VPS52: variants seen among roughly 807,000 people sequenced by gnomAD.
VPS52 encodes VPS52 subunit of GARP complex, also known as vacuolar protein sorting-associated protein 52 homolog.
Under a neutral mutation model 98.7 loss-of-function variants are expected in VPS52, and 56 were observed. That is an observed-to-expected ratio of 0.57 (90% CI 0.46 to 0.71). The LOEUF is 0.71. VPS52 is among the 30% of genes least tolerant of loss of function. The pLI is 0.00. For synonymous variants in VPS52, 348 were observed against 346.4 expected (o/e 1.00, Z -0.05); for missense variants, 742 against 925.9 (o/e 0.80, Z 2.58).
At chr6:33,270,441 T>C (rs1404313323) in intron 1 of VPS52, among the ~76,000 whole-genome samples, 158 bp from the exon 2 acceptor site, 1 of 152,160 alleles carries the variant, frequency 6.6e-6, no homozygotes, top group Non-Finnish European at 1.5e-5. Context: ...TTGTACCCAC[T>C]CTCCTATTTT....
intron 5 of VPS52, 69 bp from the exon 6 acceptor site, chr6:33,269,258 CTT>C (rs1764705419): frequency 6.3e-7 from 1 of 1,583,334 alleles, no homozygotes; most frequent in Non-Finnish European, 8.6e-7. Flanking sequence ...ACCAAAGACT[CTT>C]TGTGAAGTCT....
In VPS52 at chr6:33,269,157, A is replaced by G. The variant is rs1340794945; in HGVS notation, c.405T>C (p.Ser135=). 2.5e-6 allele frequency: 4 copies of G among 1,612,886 alleles called. No homozygotes were observed. Among genetic ancestry groups the G allele is most frequent in the Admixed American group, 1.7e-5 (1 of 59,976 alleles). The change falls in exon 6 of 20, where the codon AGT becomes AGC. Residue 135 remains serine (S), a synonymous_variant. Coordinates refer to ENST00000445902, the MANE Select transcript of VPS52 (RefSeq NM_022553.6). ...RMEQMLGAFQ[S]DLSSISSEIR... The stretch of plus-strand genomic sequence containing the variant: ...TCTCAGAGCTGATGGAGCTGAGGTC[A>G]CTCTGAAAAGCTCCCAACATCTGCT...
Position 33,267,530 on chromosome 6 carries a change from G to A in VPS52, c.991+152C>T, listed in dbSNP as rs1764482320. The stretch of plus-strand genomic sequence containing the variant: ...AAAACTATGTGTCAAAATAATGTGT[G>A]CATCTTTCTGGGGAGGGAGGCTATA... On this transcript the variant is annotated intron_variant, in intron 10 of 19. Coordinates refer to ENST00000445902, the MANE Select transcript of VPS52 (RefSeq NM_022553.6). The surrounding 1 kb of genome is among the most constrained non-coding windows in gnomAD (Gnocchi z 4.2). 4 of 1,192,310 alleles carry A rather than the reference G, an allele frequency of 3.4e-6. No homozygotes were observed. Among genetic ancestry groups the A allele is most frequent in the East Asian group, 2.3e-5 (1 of 42,720 alleles). The allele number at this position is 1,192,310 out of a possible 1,614,324, so 73.9% of individuals were successfully genotyped here.
chr6:33,271,965 T>A (rs1019627846), upstream of VPS52: 1 of 1,096,284 alleles, frequency 9.1e-7, no homozygotes, highest in Non-Finnish European at 1.3e-6. Context: ...CAAGCCATAC[T>A]CTCATAAATC....
At chr6:33,256,151 GTGTCTT>G (rs1467030424) in intron 17 of VPS52, among the ~76,000 whole-genome samples, 1 of 152,092 alleles carries the variant, frequency 6.6e-6, no homozygotes, top group Non-Finnish European at 1.5e-5. Context: ...ACGACTTACA[GTGTCTT>G]TGTGCTGAAA....
At chr6:33,251,793 C>T in intron 18 of VPS52, 67 bp downstream of exon 18, 1 of 1,529,944 alleles carries the variant, frequency 6.5e-7, no homozygotes, top group Non-Finnish European at 9.1e-7. Context: ...ATGTAATCTG[C>T]ATCCTTTCAT....
intron 16 of VPS52, 27 bp from the exon 17 acceptor site, chr6:33,263,576 A>AGTTTGGGGAACTAG: frequency 6.2e-7 from 1 of 1,614,064 alleles, no homozygotes; most frequent in Non-Finnish European, 8.5e-7. Context: ...GGAAATGTCT[A>AGTTTGGGGAACTAG]GTTTGGGGAA....
Position 33,271,731 on chromosome 6 carries a change from T to G in VPS52, c.-56A>C. On this transcript the variant is annotated 5_prime_UTR_variant, in exon 1 of 20. Coordinates refer to ENST00000445902, the MANE Select transcript of VPS52 (RefSeq NM_022553.6). ...GTCCCGGCGAGTCCGTTCCCCGGAG[T>G]GGAGCTACAAGTCCCAAAGGGTCTT... The G allele has an allele frequency of 6.4e-7, 1 of 1,552,982 alleles. No individual in the cohort carries two copies. The highest frequency in any genetic ancestry group is 8.7e-7 in the Non-Finnish European group (1 of 1,147,860).
rs1175025809 is a variant in VPS52 at position 33,268,783 on chromosome 6, T to C, written c.549-134A>G. ...CATTGTACCATATAGTCAGGACACA[T>C]GTACAAAGTTTTCTATTCCTGGACC... On this transcript the variant is annotated intron_variant, in intron 6 of 19. Coordinates refer to ENST00000445902, the MANE Select transcript of VPS52 (RefSeq NM_022553.6). The surrounding 1 kb of genome is among the most constrained non-coding windows in gnomAD (Gnocchi z 4.0). 3 of 1,225,502 alleles carry C rather than the reference T, an allele frequency of 2.4e-6. No individual in the cohort carries two copies. Among genetic ancestry groups the C allele is most frequent in the Non-Finnish European group, 3.3e-6 (3 of 905,334 alleles). 75.9% of individuals were successfully genotyped at this position (1,225,502 alleles called of 1,614,324 possible).
intron 19 of VPS52, among the ~76,000 whole-genome samples, chr6:33,251,284 G>A (rs1321211204): frequency 6.6e-6 from 1 of 151,964 alleles, no homozygotes; most frequent in Non-Finnish European, 1.5e-5. Context: ...AGAGGTTGCA[G>A]TGAGCCGAGA....
chr6:33,266,151 C>G (rs554271877), intron 12 of VPS52, among the ~76,000 whole-genome samples: 8 of 149,570 alleles, frequency 5.3e-5, no homozygotes, highest in African/African-American at 2.0e-4. Context: ...TAAGCCACTG[C>G]ACCTGGCTAT....
chr6:33,267,515 G>T lies in VPS52; in HGVS notation c.991+167C>A. The T allele has an allele frequency of 8.3e-7, 1 of 1,201,152 alleles. No homozygotes were observed. The highest frequency in any genetic ancestry group is 1.2e-6 in the Non-Finnish European group (1 of 851,738). The allele number at this position is 1,201,152 out of a possible 1,614,324, so 74.4% of individuals were successfully genotyped here. ...CTTGCAATCATATGCAAAACTATGT[G>T]TCAAAATAATGTGTGCATCTTTCTG... On this transcript the variant is annotated intron_variant, in intron 10 of 19. Coordinates refer to ENST00000445902, the MANE Select transcript of VPS52 (RefSeq NM_022553.6). This position sits in a 1 kb window ranked among gnomAD's most constrained non-coding sequence, Gnocchi z 4.2.
At position 33,269,064 on chromosome 6, in the gene VPS52, C is replaced by T. The variant is rs568147687; in HGVS notation, c.498G>A (p.Gly166=). 3 of 1,612,832 alleles carry T rather than the reference C, an allele frequency of 1.9e-6. No individual in the cohort carries two copies. The highest frequency in any genetic ancestry group is 4.5e-5 in the East Asian group (2 of 44,874). Residue 166 remains glycine (G), a synonymous_variant, in exon 6 of 20, where the codon GGG becomes GGA. Transcript: ENST00000445902. ...IRLRNRQAVR[G]KLGELVDGLV... Reference sequence around the variant, plus strand: ...GACCATCAACAAGCTCCCCAAGTTTCCCCCGAACTGCCTGGCGATTTCGAA... The same window carrying T: ...GACCATCAACAAGCTCCCCAAGTTTTCCCCGAACTGCCTGGCGATTTCGAA...
intron 1 of VPS52, 144 bp from the exon 2 acceptor site, chr6:33,270,427 C>G (rs1275852539): frequency 4.2e-6 from 3 of 715,520 alleles, no homozygotes; most frequent in Admixed American, 5.7e-5. Flanking sequence ...CTAAGAGTCT[C>G]ACGTTGTACC....
chr6:33,263,980 TG>T (rs757600726), intron 15 of VPS52, 27 bp downstream of exon 15: 1 of 1,613,912 alleles, frequency 6.2e-7, no homozygotes, highest in Non-Finnish European at 8.5e-7. Flanking sequence ...GCCCTGCTGC[TG>T]GGAAGTGTCT....
rs9469393 is a variant in VPS52, at chr6:33,250,595, G to A, written c.*246C>T. On this transcript the variant is annotated 3_prime_UTR_variant, in exon 20 of 20. Transcript: ENST00000445902. Reference sequence around the variant, plus strand: ...GGTGACAGACTGGAGAAATGATAAAGGCCATTTTGGAAGCCCACAGGGAAG... The same window carrying A: ...GGTGACAGACTGGAGAAATGATAAAAGCCATTTTGGAAGCCCACAGGGAAG... The A allele has an allele frequency of 1.9e-4, 97 of 520,530 alleles. No individual in the cohort carries two copies. Among genetic ancestry groups the A allele is most frequent in the Non-Finnish European group, 3.0e-4 (89 of 296,448 alleles). The allele number at this position is 520,530 out of a possible 1,614,324, so 32.2% of individuals were successfully genotyped here.
chr6:33,264,644 C>A, intron 13 of VPS52, 138 bp downstream of exon 13: 1 of 1,415,038 alleles, frequency 7.1e-7, no homozygotes, highest in Non-Finnish European at 9.9e-7. Context: ...CAAAAAGCAG[C>A]ACTACTGCCT....
At chr6:33,255,572 G>T (rs900916211) in intron 17 of VPS52, among the ~76,000 whole-genome samples, 2 of 149,678 alleles carry the variant, frequency 1.3e-5, no homozygotes, top group Non-Finnish European at 3.0e-5. Context: ...AGATGACGAG[G>T]TCAGATCAAG....
chr6:33,253,142 C>T (rs1382144100), intron 17 of VPS52, among the ~76,000 whole-genome samples: 1 of 151,918 alleles, frequency 6.6e-6, no homozygotes, highest in Non-Finnish European at 1.5e-5. Context: ...AATCTATAGA[C>T]TAAAAAAAGA....
Sources: gnomAD v4.1 joint callset for allele counts (sites outside exome capture counted in the v4.1 genomes callset) on GRCh38, gnomAD v4.1.1 for gene constraint, Gnocchi (gnomAD v3.1) non-coding constraint, MANE v1.5 for transcripts, NCBI Gene and HGNC (gene_info 2026-07-23, HGNC 2026-07-21) for gene names.